RNF130: variants seen among roughly 807,000 people sequenced by gnomAD.
RNF130 encodes E3 ubiquitin-protein ligase RNF130.
In RNF130, 21 loss-of-function variants were observed where a neutral mutation model predicts 44.6. The observed-to-expected ratio is 0.47, with a 90% CI of 0.33 to 0.68. The LOEUF is 0.68. RNF130 is among the 30% of genes least tolerant of loss of function. The pLI is 0.02. For missense variants in RNF130, 479 were observed against 560.6 expected (o/e 0.85, Z 1.47); for synonymous variants, 214 against 210.4 (o/e 1.02, Z -0.15).
At chr5:179,988,300 C>G (rs1479131233) in intron 3 of RNF130, among the ~76,000 whole-genome samples, 2 of 152,070 alleles carry the variant, frequency 1.3e-5, no homozygotes, top group African/African-American at 4.8e-5. Context: ...TTTTTCACTT[C>G]TGATTTTATT....
intron 3 of RNF130, among the ~76,000 whole-genome samples, chr5:180,011,119 C>T (rs748793312): frequency 1.3e-5 from 2 of 152,138 alleles, no homozygotes; most frequent in African/African-American, 4.8e-5. Flanking sequence ...AAACTAATCA[C>T]GAAGGAACAC....
rs930856548 is a variant in RNF130 at position 180,057,755 on chromosome 5, C to T, written c.247+13701G>A. Among the ~76,000 whole-genome samples, 34 of 152,144 alleles carry T rather than the reference C, an allele frequency of 2.2e-4. 1 individual carries two copies. Among genetic ancestry groups the T allele is most frequent in the African/African-American group, 6.5e-4 (27 of 41,416 alleles). On this transcript the variant is annotated intron_variant, in intron 1 of 8. Transcript: ENST00000521389. ...CTTAATTTGTATCTTACATAACACC[C>T]TTTATAATAACAGGGACAGTAAGTA...
chr5:179,948,430 G>A (rs1762075922), intron 7 of RNF130, among the ~76,000 whole-genome samples: 1 of 152,176 alleles, frequency 6.6e-6, no homozygotes, highest in African/African-American at 2.4e-5. Flanking sequence ...AGCACTTTGG[G>A]AGGCTGAGGC....
intron 3 of RNF130, among the ~76,000 whole-genome samples, chr5:180,003,709 C>T (rs1763398961): frequency 6.6e-6 from 1 of 152,082 alleles, no homozygotes; most frequent in African/African-American, 2.4e-5. Context: ...ATTTTTCATT[C>T]TAAGTCTATT....
At chr5:179,921,114 T>C (rs1386374475) in intron 7 of RNF130, among the ~76,000 whole-genome samples, 3 of 152,216 alleles carry the variant, frequency 2.0e-5, no homozygotes, top group Admixed American at 2.0e-4. Context: ...TTTTAAGCTT[T>C]ACTGGGGTAT....
chr5:179,974,450 CT>C, intron 5 of RNF130, among the ~76,000 whole-genome samples: 1 of 152,342 alleles, frequency 6.6e-6, no homozygotes, highest in African/African-American at 2.4e-5. Context: ...GAGGAGGCCC[CT>C]CCGCCATGCC....
rs565845283 is a variant in RNF130, at chr5:180,017,661, C to T, written c.443-4350G>A. ...CAGAAATGCTGGGTGGGCAGTTTTTCGGAAAAGAGCCCCCCATCCCCATCA... is the reference window on the plus strand; with the variant it reads ...CAGAAATGCTGGGTGGGCAGTTTTTTGGAAAAGAGCCCCCCATCCCCATCA... On this transcript the variant is annotated intron_variant, in intron 2 of 8. Transcript: ENST00000521389. Among the ~76,000 whole-genome samples, 7 of 152,074 alleles carry T rather than the reference C, an allele frequency of 4.6e-5. No individual in the cohort carries two copies. In the South Asian group the frequency reaches 6.2e-4, roughly 14 times the overall value.
intron 1 of RNF130, among the ~76,000 whole-genome samples, chr5:180,054,665 CTTAAT>C: frequency 6.6e-6 from 1 of 152,172 alleles, no homozygotes; most frequent in African/African-American, 2.4e-5. Flanking sequence ...TGTGAATTCT[CTTAAT>C]TTTATTATTT....
At chr5:179,951,893 C>T (rs959303179), downstream of RNF130, among the ~76,000 whole-genome samples, 18 of 152,082 alleles carry the variant, frequency 1.2e-4, no homozygotes, top group African/African-American at 4.3e-4. Flanking sequence ...TCAAAATTTA[C>T]AAATGAGTGA....
chr5:180,041,963 G>T (rs1167576078), intron 1 of RNF130, among the ~76,000 whole-genome samples: 1 of 152,134 alleles, frequency 6.6e-6, no homozygotes, highest in Non-Finnish European at 1.5e-5. Context: ...AGCTACTGGG[G>T]AGGCTGAGGT....
At chr5:179,988,805 T>C (rs753855378) in intron 3 of RNF130, among the ~76,000 whole-genome samples, 13 of 152,224 alleles carry the variant, frequency 8.5e-5, no homozygotes, top group Non-Finnish European at 1.6e-4. Flanking sequence ...TGGTCTAATA[T>C]ATAGTGTTTC....
In RNF130 at chr5:180,021,156, C is replaced by T. The variant is rs550301003; in HGVS notation, c.443-7845G>A. Among the ~76,000 whole-genome samples the T allele has an allele frequency of 5.3e-5, 8 of 152,038 alleles. No homozygotes were observed. In the East Asian group the frequency reaches 7.7e-4, roughly 15 times the overall value. On this transcript the variant is annotated intron_variant, in intron 2 of 8. Coordinates refer to ENST00000521389, the MANE Select transcript of RNF130 (RefSeq NM_018434.6). ...CATTTTTTTGTATTTTTAGTAGAGA[C>T]GGGGATTCACCATGTTGGCCAAAAT...
Position 179,977,973 on chromosome 5 carries a change from G to C in RNF130, c.848+230C>G, listed in dbSNP as rs17079880. Among the ~76,000 whole-genome samples, 1 of 152,210 alleles carries C rather than the reference G, an allele frequency of 6.6e-6. No individual in the cohort carries two copies. The highest frequency in any genetic ancestry group is 6.5e-5 in the Admixed American group (1 of 15,282). On this transcript the variant is annotated intron_variant, in intron 5 of 8. Coordinates refer to ENST00000521389, the MANE Select transcript of RNF130 (RefSeq NM_018434.6). The surrounding 1 kb of genome is among the most constrained non-coding windows in gnomAD (Gnocchi z 4.1). ...TGTGTCTGGGGAGTCTGGAGGCCGC[G>C]TGCCACATCGCATATTGGCTACACC...
At chr5:180,002,592 G>C (rs115935502) in intron 3 of RNF130, among the ~76,000 whole-genome samples, 16 of 152,304 alleles carry the variant, frequency 1.1e-4, no homozygotes, top group Admixed American at 3.9e-4. Flanking sequence ...GGGAACCCTG[G>C]TGGTGAGGTC....
At chr5:180,028,520 C>T (rs1764045232) in intron 2 of RNF130, among the ~76,000 whole-genome samples, 1 of 150,188 alleles carries the variant, frequency 6.7e-6, no homozygotes, top group South Asian at 2.1e-4. Context: ...CAGGGCCTGG[C>T]ACAATGAATG....
intron 8 of RNF130, among the ~76,000 whole-genome samples, chr5:179,962,728 C>G (rs549848521): frequency 3.3e-5 from 5 of 152,312 alleles, no homozygotes; most frequent in Admixed American, 3.3e-4. Context: ...AGTCATCTAG[C>G]CCAATCCTCC....
chr5:180,062,273 G>A (rs1467993945), intron 1 of RNF130, among the ~76,000 whole-genome samples: 1 of 151,822 alleles, frequency 6.6e-6, no homozygotes, highest in Non-Finnish European at 1.5e-5. Flanking sequence ...TGTTGGTCAG[G>A]ATGGTCTCGA....
At chr5:180,002,469 G>A (rs573696553) in intron 3 of RNF130, among the ~76,000 whole-genome samples, 49 of 152,280 alleles carry the variant, frequency 3.2e-4, no homozygotes, top group African/African-American at 1.1e-3. Context: ...TTCCAAGATG[G>A]TATAGCACAG....
At chr5:180,044,175 G>C (rs1764500194) in intron 1 of RNF130, among the ~76,000 whole-genome samples, 1 of 152,076 alleles carries the variant, frequency 6.6e-6, no homozygotes, top group Admixed American at 6.6e-5. Context: ...TAGCAATTCT[G>C]TTAAAATTCA....
Sources: gnomAD v4.1 joint callset for allele counts (sites outside exome capture counted in the v4.1 genomes callset) on GRCh38, gnomAD v4.1.1 for gene constraint, Gnocchi (gnomAD v3.1) non-coding constraint, MANE v1.5 for transcripts, NCBI Gene and HGNC (gene_info 2026-07-23, HGNC 2026-07-21) for gene names.